CTTNBP2: variants seen among roughly 807,000 people sequenced by gnomAD.
CTTNBP2 encodes cortactin-binding protein 2.
A neutral mutation model predicts 156.9 loss-of-function variants in CTTNBP2; 108 were observed. The ratio of observed to expected loss-of-function variants is 0.69; its 90% CI spans 0.59 to 0.81. The LOEUF (loss-of-function observed/expected upper bound fraction) is 0.81, where lower values mean the gene tolerates loss of function less well. Ranked by LOEUF, CTTNBP2 falls within the 30% of genes least tolerant of loss-of-function variation. The probability of loss-of-function intolerance (pLI) is 0.00; values close to 1 mark genes in which losing one functional copy is unlikely to be tolerated. For missense variants in CTTNBP2, 1,924 were observed against 2,035.4 expected (o/e 0.95, Z 1.05); for synonymous variants, 767 against 751.8 (o/e 1.02, Z -0.33).
chr7:117,728,243 A>AG lies in CTTNBP2; in HGVS notation c.3900dup (p.Cys1301LeufsTer19), dbSNP rs1204543470. On this transcript the variant is annotated frameshift_variant, in exon 17 of 23. Coordinates refer to ENST00000160373, the MANE Select transcript of CTTNBP2 (RefSeq NM_033427.3). LOFTEE classifies it high-confidence loss of function. ...TCGACAATCTTGCACACAGGATCGC[A>AG]GGGGGAGGGCGCCTGACCTTTGAAC... The AG allele has an allele frequency of 1.2e-6, 2 of 1,613,852 alleles. No homozygotes were observed. The highest frequency in any genetic ancestry group is 1.7e-6 in the Non-Finnish European group (2 of 1,179,852).
chr7:117,762,325 A>G (rs996343979), intron 9 of CTTNBP2, among the ~76,000 whole-genome samples: 13 of 152,060 alleles, frequency 8.5e-5, no homozygotes, highest in African/African-American at 2.9e-4. Flanking sequence ...CCAAATCTGA[A>G]CTCCCCAACT....
intron 16 of CTTNBP2, among the ~76,000 whole-genome samples, chr7:117,732,676 A>T (rs1222375323): frequency 2.0e-5 from 3 of 150,270 alleles, no homozygotes; most frequent in Non-Finnish European, 4.4e-5. Context: ...AAAAAAAGTC[A>T]GGCACAGAAA....
At chr7:117,723,528 T>A (rs1344051455) in intron 19 of CTTNBP2, among the ~76,000 whole-genome samples, 1 of 152,188 alleles carries the variant, frequency 6.6e-6, no homozygotes, top group African/African-American at 2.4e-5. Context: ...GAAATTTCTT[T>A]TCATTTTTAT....
intron 3 of CTTNBP2, among the ~76,000 whole-genome samples, chr7:117,793,076 G>A (rs1193788998): frequency 6.6e-6 from 1 of 152,120 alleles, no homozygotes; most frequent in Non-Finnish European, 1.5e-5. Flanking sequence ...TTAAATCACA[G>A]CACAGGGATC....
chr7:117,820,279 C>A (rs1800878095), intron 2 of CTTNBP2, among the ~76,000 whole-genome samples: 1 of 152,208 alleles, frequency 6.6e-6, no homozygotes, highest in Non-Finnish European at 1.5e-5. Context: ...CTCCAGACAG[C>A]CACCACCTGT....
At chr7:117,810,489 A>G (rs1334314599) in intron 3 of CTTNBP2, among the ~76,000 whole-genome samples, 2 of 152,198 alleles carry the variant, frequency 1.3e-5, no homozygotes, top group Non-Finnish European at 2.9e-5. Context: ...GTCCAAAAAC[A>G]TATATATAGA....
chr7:117,843,559 A>G (rs1802397720), intron 2 of CTTNBP2, among the ~76,000 whole-genome samples: 2 of 152,184 alleles, frequency 1.3e-5, no homozygotes, highest in African/African-American at 4.8e-5. Context: ...GGGCTGTAGA[A>G]GAATAGGAAT....
intron 2 of CTTNBP2, among the ~76,000 whole-genome samples, chr7:117,844,272 A>G (rs1802447335): frequency 6.6e-6 from 1 of 152,198 alleles, no homozygotes; most frequent in South Asian, 2.1e-4. Context: ...AACTGTTAAG[A>G]TAATAAATTT....
At chr7:117,817,357 A>ATATATATATATATATAT (rs1282725521) in intron 2 of CTTNBP2, among the ~76,000 whole-genome samples, 84 of 32,966 alleles carry the variant, frequency 2.5e-3, no homozygotes, top group African/African-American at 5.2e-3. Flanking sequence ...AAAAAAAAAA[A>ATATATATATATATATAT]AAAAATATAT....
chr7:117,771,298 G>C (rs1797783978), intron 8 of CTTNBP2, among the ~76,000 whole-genome samples: 1 of 152,156 alleles, frequency 6.6e-6, no homozygotes, highest in African/African-American at 2.4e-5. Flanking sequence ...GTTTGAGATT[G>C]AGCAGAGGGA....
rs181601312 is a variant in CTTNBP2, at chr7:117,777,336, T to C, written c.2778+175A>G. On this transcript the variant is annotated intron_variant, in intron 8 of 22. Transcript: ENST00000160373. ...TTTTATTAAAAGTCTCTTATACCCTTGACCATAAGTAACTACTACATAGGA... is the reference window on the plus strand; with the variant it reads ...TTTTATTAAAAGTCTCTTATACCCTCGACCATAAGTAACTACTACATAGGA... Among the ~76,000 whole-genome samples, 4 of 152,336 alleles carry C rather than the reference T, an allele frequency of 2.6e-5. No homozygotes were observed. In the East Asian group the frequency reaches 5.8e-4, roughly 22 times the overall value.
intron 2 of CTTNBP2, among the ~76,000 whole-genome samples, chr7:117,820,200 G>A (rs10487377): frequency 0.59 from 89,214 of 151,954 alleles, 26,192 homozygotes; most frequent in East Asian, 0.71. Flanking sequence ...CTTGCCCAGG[G>A]TAGATACTAT....
chr7:117,842,954 C>T (rs1802363127), intron 2 of CTTNBP2, among the ~76,000 whole-genome samples: 1 of 152,102 alleles, frequency 6.6e-6, no homozygotes, highest in Non-Finnish European at 1.5e-5. Context: ...AAACAATAAA[C>T]ATGTAAAAAG....
At chr7:117,791,087 C>A (rs375496369) in intron 4 of CTTNBP2, 41 bp downstream of exon 4, 8 of 1,509,390 alleles carry the variant, frequency 5.3e-6, no homozygotes, top group Admixed American at 1.9e-5. Flanking sequence ...AGAAGAGAGG[C>A]CATATTCTTT....
At chr7:117,794,997 C>T (rs1312734716) in intron 3 of CTTNBP2, among the ~76,000 whole-genome samples, 2 of 150,642 alleles carry the variant, frequency 1.3e-5, no homozygotes, top group Non-Finnish European at 3.0e-5. Flanking sequence ...CGGGTTCACG[C>T]CATTCTCCTG....
In CTTNBP2 at chr7:117,728,341, T is replaced by C. The variant is rs571844325; in HGVS notation, c.3877-74A>G. The C allele has an allele frequency of 5.5e-6, 6 of 1,092,820 alleles. No homozygotes were observed. The East Asian group carries it at 9.6e-5, about 17-fold the overall frequency. The allele number at this position is 1,092,820 out of a possible 1,614,324, so 67.7% of individuals were successfully genotyped here. ...GTTTTTAGAAGCCCAAAATTAAAAATATAAAACTTTAAATCAAAATTGAAA... is the reference window on the plus strand; with the variant it reads ...GTTTTTAGAAGCCCAAAATTAAAAACATAAAACTTTAAATCAAAATTGAAA... On this transcript the variant is annotated intron_variant, in intron 16 of 22. Coordinates refer to ENST00000160373, the MANE Select transcript of CTTNBP2 (RefSeq NM_033427.3).
At position 117,791,526 on chromosome 7, in the gene CTTNBP2, G is replaced by A; in HGVS notation, c.1670C>T (p.Ser557Phe). Residue 557 changes from serine to phenylalanine, a missense_variant, in exon 4 of 23, where the codon TCT becomes TTT. Transcript: ENST00000160373. ...AACCTTGAGTTGGGGGTGTGGTGGA[G>A]AAGGAGTTTGGGAGAGCCCTGGCTT... ...PKKPGLSQTP[S>F]PPHPQLKVII... The A allele has an allele frequency of 1.2e-6, 2 of 1,614,198 alleles. No homozygotes were observed. The highest frequency in any genetic ancestry group is 1.7e-6 in the Non-Finnish European group (2 of 1,180,030).
Position 117,792,220 on chromosome 7 carries a change from T to C in CTTNBP2, c.976A>G (p.Met326Val), listed in dbSNP as rs1329181110. The C allele has an allele frequency of 2.5e-6, 4 of 1,614,098 alleles. No homozygotes were observed. The highest frequency in any genetic ancestry group is 2.2e-5 in the East Asian group (1 of 44,892). Residue 326 changes from methionine (M) to valine (V), a missense_variant, in exon 4 of 23, where the codon ATG becomes GTG. Met to Val is a conservative substitution (Grantham distance 21). Coordinates refer to ENST00000160373, the MANE Select transcript of CTTNBP2 (RefSeq NM_033427.3). The surrounding 1 kb of genome is among the most constrained non-coding windows in gnomAD (Gnocchi z 4.2). ...CTCCCTGTGGAAGGTTTTACAGGCA[T>C]GGTTAAAGGCAACTTTTTCATGTGG... is the stretch of plus-strand genomic sequence containing the variant. ...ADHMKKLPLT[M>V]PVKPSTGSPL...
chr7:117,792,139 T>C lies in CTTNBP2; in HGVS notation c.1057A>G (p.Arg353Gly). The change falls in exon 4 of 23, where the codon AGA becomes GGA. Residue 353 changes from arginine to glycine, a missense_variant. Physicochemically the swap from Arg to Gly is moderately radical, Grantham distance 125. Transcript: ENST00000160373. This position sits in a 1 kb window ranked among gnomAD's most constrained non-coding sequence, Gnocchi z 4.2. ...GSVCTSATMA[R>G]PGIDRQASYG... is the part of the protein sequence containing the mutation. ...GAAGCCTGCCTGTCAATACCTGGTC[T>C]GGCCATGGTGGCACTGGTGCACACG... 6.2e-7 allele frequency: 1 copy of C among 1,614,172 alleles called. No individual in the cohort carries two copies. The highest frequency in any genetic ancestry group is 1.3e-5 in the African/African-American group (1 of 75,042).
Sources: allele counts gnomAD v4.1 joint callset (sites outside exome capture counted in the v4.1 genomes callset), GRCh38; gene constraint gnomAD v4.1.1; non-coding constraint Gnocchi (gnomAD v3.1); transcripts MANE v1.5; gene names NCBI Gene and HGNC (gene_info 2026-07-23, HGNC 2026-07-21).